Variants in TNS1 observed in about 807,000 individuals in gnomAD.
TNS1 encodes the protein tensin 1, also known as tensin-1.
In TNS1, 62 loss-of-function variants were observed where a neutral mutation model predicts 168.6. The ratio of observed to expected loss-of-function variants is 0.37; its 90% CI spans 0.30 to 0.45. TNS1 has a LOEUF of 0.45. Ranked by LOEUF, TNS1 falls within the 20% of genes least tolerant of loss-of-function variation. TNS1 has a pLI of 1.00. For missense variants in TNS1, 2,240 were observed against 2,339.4 expected (o/e 0.96, Z 0.88); for synonymous variants, 934 against 933.2 (o/e 1.00, Z -0.02).
chr2:217,911,117 C>T (rs887371794), intron 4 of TNS1, among the ~76,000 whole-genome samples: 1 of 152,218 alleles, frequency 6.6e-6, no homozygotes, highest in East Asian at 1.9e-4. Context: ...ACCCACTGCC[C>T]AGTCCCAGGA....
At chr2:217,835,585 T>C (rs1432680270) in intron 20 of TNS1, among the ~76,000 whole-genome samples, 1 of 152,224 alleles carries the variant, frequency 6.6e-6, no homozygotes, top group Non-Finnish European at 1.5e-5. Flanking sequence ...AGTTTGAGAC[T>C]CACTGCCTCC....
intron 18 of TNS1, among the ~76,000 whole-genome samples, chr2:217,863,900 G>A (rs1443519349): frequency 6.6e-6 from 1 of 152,144 alleles, no homozygotes; most frequent in Admixed American, 6.5e-5. Context: ...ATGAAAACAT[G>A]TCCTTAGACC....
At chr2:217,852,292 C>G (rs1443848056) in intron 18 of TNS1, among the ~76,000 whole-genome samples, 2 of 152,176 alleles carry the variant, frequency 1.3e-5, no homozygotes, top group Admixed American at 6.5e-5. Context: ...GCTGGCTTTC[C>G]TTCTCACTGT....
chr2:217,931,865 C>T (rs1956341471), intron 3 of TNS1, among the ~76,000 whole-genome samples: 2 of 152,178 alleles, frequency 1.3e-5, no homozygotes, highest in Admixed American at 6.5e-5. Context: ...ACATTTTTGA[C>T]TCTTCGGGTT....
chr2:217,839,829 G>T (rs995380087), intron 19 of TNS1, among the ~76,000 whole-genome samples: 1 of 152,190 alleles, frequency 6.6e-6, no homozygotes, highest in Non-Finnish European at 1.5e-5. Flanking sequence ...CTGGGTGTCC[G>T]ACAGCATGCC....
chr2:217,890,102 C>A (rs1229872962), intron 12 of TNS1, among the ~76,000 whole-genome samples: 1 of 152,210 alleles, frequency 6.6e-6, no homozygotes, highest in Non-Finnish European at 1.5e-5. Context: ...CACGCCCCCT[C>A]CCTCGGCTCA....
intron 3 of TNS1, among the ~76,000 whole-genome samples, chr2:217,956,789 A>T (rs559273454): frequency 6.6e-5 from 10 of 152,304 alleles, no homozygotes; most frequent in African/African-American, 2.2e-4. Flanking sequence ...GCTTTCCCAG[A>T]GGTGCCTTGG....
chr2:217,805,526 C>CAT (rs1938569659), intron 32 of TNS1, among the ~76,000 whole-genome samples: 1 of 8,362 alleles, frequency 1.2e-4, no homozygotes. Context: ...CCACACACAC[C>CAT]ACACACACCA....
intron 18 of TNS1, among the ~76,000 whole-genome samples, chr2:217,858,088 G>A (rs545832513): frequency 2.0e-5 from 3 of 152,262 alleles, no homozygotes; most frequent in Admixed American, 2.0e-4. Flanking sequence ...TGCAGGGAGG[G>A]GGCGTCCTGA....
At chr2:217,970,263 A>G (rs1957745562) in intron 3 of TNS1, among the ~76,000 whole-genome samples, 2 of 152,228 alleles carry the variant, frequency 1.3e-5, no homozygotes, top group South Asian at 4.1e-4. Flanking sequence ...TGTTGTTTTA[A>G]GTCACCTAGT....
intron 3 of TNS1, among the ~76,000 whole-genome samples, chr2:217,930,186 T>C (rs943277178): frequency 5.3e-5 from 8 of 152,180 alleles, no homozygotes; most frequent in African/African-American, 1.9e-4. Flanking sequence ...GGGCTATCAG[T>C]CCATTTCACA....
chr2:217,895,121 G>A lies in TNS1; in HGVS notation c.544-65C>T, dbSNP rs536220976. The A allele has an allele frequency of 6.7e-6, 10 of 1,484,392 alleles. No individual in the cohort carries two copies. The African/African-American group carries it at 1.4e-4, about 20-fold the overall frequency. 92.0% of individuals were successfully genotyped at this position (1,484,392 alleles called of 1,614,324 possible). ...GTGAGGAGGGCGGCGAGGAGAGAGA[G>A]AACCATGGCCTGCTGGTCCCAGAAA... On this transcript the variant is annotated intron_variant, in intron 8 of 32. Transcript: ENST00000682258.
Position 217,923,541 on chromosome 2 carries a change from A to G in TNS1, c.187-3305T>C, listed in dbSNP as rs16858467. On this transcript the variant is annotated intron_variant, in intron 3 of 32. Coordinates refer to ENST00000682258, the MANE Select transcript of TNS1 (RefSeq NM_001387777.1). ...GTTGGCCAACAGGAGGCACGATGCA[A>G]AGTCAGGGTCCGGGTCTGGAGACAT... Among the ~76,000 whole-genome samples, 2,760 of 152,206 alleles carry G rather than the reference A, an allele frequency of 0.018. 138 individuals carry two copies. The East Asian group carries it at 0.2, about 11-fold the overall frequency.
At chr2:217,832,571 T>A (rs1237605360) in intron 21 of TNS1, among the ~76,000 whole-genome samples, 1 of 152,230 alleles carries the variant, frequency 6.6e-6, no homozygotes, top group Non-Finnish European at 1.5e-5. Flanking sequence ...GGCCCTCAGA[T>A]GCCCAGGAAC....
chr2:217,849,919 T>G (rs1462897137), intron 18 of TNS1: 1 of 985,274 alleles, frequency 1.0e-6, no homozygotes, highest in South Asian at 4.7e-5. Context: ...TAAGACAAGC[T>G]TGCCCTCAGC....
At chr2:218,009,807 A>G (rs1446621766) in intron 1 of TNS1, among the ~76,000 whole-genome samples, 1 of 152,090 alleles carries the variant, frequency 6.6e-6, no homozygotes, top group Non-Finnish European at 1.5e-5. Context: ...CCGCCCTCCC[A>G]CAGACTCCGG....
Position 218,033,031 on chromosome 2 carries a change from C to T in TNS1, c.156+789G>A, listed in dbSNP as rs545300123. On this transcript the variant is annotated intron_variant, in intron 1 of 1. Transcript: ENST00000649572. The surrounding 1 kb of genome is among the most constrained non-coding windows in gnomAD (Gnocchi z 4.3). Reference sequence around the variant, plus strand: ...CCCTGCCCACCTTTACCTGGCCCAACAGGCACCTGCCCCATGTCAAAGCTG... The same window carrying T: ...CCCTGCCCACCTTTACCTGGCCCAATAGGCACCTGCCCCATGTCAAAGCTG... Among the ~76,000 whole-genome samples the T allele has an allele frequency of 1.3e-5, 2 of 152,180 alleles. No homozygotes were observed. Among genetic ancestry groups the T allele is most frequent in the Non-Finnish European group, 2.9e-5 (2 of 68,016 alleles).
chr2:217,892,115 T>C (rs1377788741), intron 11 of TNS1, among the ~76,000 whole-genome samples: 5 of 152,234 alleles, frequency 3.3e-5, no homozygotes, highest in African/African-American at 1.2e-4. Flanking sequence ...TTTTTTTCTT[T>C]TTGAGACAGA....
rs992681591 is a variant in TNS1, at chr2:217,810,226, A to G, written c.5104+22T>C. On this transcript the variant is annotated intron_variant, in intron 29 of 32. Coordinates refer to ENST00000682258, the MANE Select transcript of TNS1 (RefSeq NM_001387777.1). ...CAGAAAGAGAGGCCTGGGCATGGGT[A>G]CAGTTTCAGGTGACCACTCACCTGC... The G allele has an allele frequency of 5.6e-6, 9 of 1,612,864 alleles. No individual in the cohort carries two copies. In the African/African-American group the frequency reaches 1.1e-4, roughly 19 times the overall value.
Sources: allele counts gnomAD v4.1 joint callset (sites outside exome capture counted in the v4.1 genomes callset), GRCh38; gene constraint gnomAD v4.1.1; non-coding constraint Gnocchi (gnomAD v3.1); transcripts MANE v1.5; gene names NCBI Gene and HGNC (gene_info 2026-07-23, HGNC 2026-07-21).